Variants in RNF180 observed in about 807,000 individuals in gnomAD.
The protein encoded by RNF180 is E3 ubiquitin-protein ligase RNF180.
Under a neutral mutation model 59.2 loss-of-function variants are expected in RNF180, and 38 were observed. That is an observed-to-expected ratio of 0.64 (90% CI 0.50 to 0.84). The LOEUF is 0.84. Ranked by LOEUF, RNF180 falls within the 40% of genes least tolerant of loss-of-function variation. The pLI is 0.00. For synonymous variants in RNF180, 262 were observed against 240.3 expected, an observed-to-expected ratio of 1.09 and a Z score of -0.84; for missense variants, 705 against 700.9, an observed-to-expected ratio of 1.01 and a Z score of -0.07.
chr5:64,262,068 A>G (rs1216951784), intron 5 of RNF180, among the ~76,000 whole-genome samples: 1 of 152,102 alleles, frequency 6.6e-6, no homozygotes, highest in Non-Finnish European at 1.5e-5. Flanking sequence ...ATACTTACCA[A>G]ATAATTTTTT....
At chr5:64,317,804 T>G (rs968304221) in intron 5 of RNF180, among the ~76,000 whole-genome samples, 8 of 130,586 alleles carry the variant, frequency 6.1e-5, no homozygotes, top group African/African-American at 2.4e-4. Context: ...CATTTTAAAT[T>G]GAAAAATGTA....
At position 64,218,678 on chromosome 5, in the gene RNF180, A is replaced by G. The variant is rs535985777; in HGVS notation, c.1227+1282A>G. On this transcript the variant is annotated intron_variant, in intron 5 of 7. Coordinates refer to ENST00000389100, the MANE Select transcript of RNF180 (RefSeq NM_001113561.2). ...CTTGGGGAGAATTGAAATCTTTACT[A>G]TGTTGACTCTCGTAATACGTGAACA... 2.6e-5 allele frequency among the ~76,000 whole-genome samples: 4 copies of G among 152,296 alleles called. No homozygotes were observed. In the South Asian group the frequency reaches 8.3e-4, roughly 32 times the overall value.
chr5:64,264,636 G>A (rs1744552966), intron 5 of RNF180, among the ~76,000 whole-genome samples: 2 of 152,118 alleles, frequency 1.3e-5, no homozygotes, highest in African/African-American at 4.8e-5. Flanking sequence ...ATCATTGATG[G>A]GCATTTGGGT....
intron 2 of RNF180, among the ~76,000 whole-genome samples, chr5:64,210,229 T>C (rs781043339): frequency 2.0e-5 from 3 of 152,144 alleles, no homozygotes; most frequent in Non-Finnish European, 2.9e-5. Flanking sequence ...TGTCTAATGC[T>C]AGTGATCTAG....
intron 5 of RNF180, among the ~76,000 whole-genome samples, chr5:64,307,983 C>T (rs1374031): frequency 0.34 from 51,765 of 151,448 alleles, 10,131 homozygotes; most frequent in African/African-American, 0.55. Context: ...AATTGGACTT[C>T]GGAAGAAATT....
At chr5:64,242,520 A>C (rs1019943117) in intron 5 of RNF180, among the ~76,000 whole-genome samples, 1 of 152,222 alleles carries the variant, frequency 6.6e-6, no homozygotes, top group African/African-American at 2.4e-5. Flanking sequence ...CCAGGACGAG[A>C]AATGTAATAA....
chr5:64,182,771 A>C (rs1189852679), intron 1 of RNF180, among the ~76,000 whole-genome samples: 2 of 152,198 alleles, frequency 1.3e-5, no homozygotes, highest in Non-Finnish European at 2.9e-5. Flanking sequence ...CACAAAAGCA[A>C]AGAAAAAGTT....
At chr5:64,238,110 T>G (rs1411715886) in intron 5 of RNF180, among the ~76,000 whole-genome samples, 1 of 152,246 alleles carries the variant, frequency 6.6e-6, no homozygotes, top group Non-Finnish European at 1.5e-5. Context: ...TTTCCATGAC[T>G]GGCTTATTCA....
intron 5 of RNF180, among the ~76,000 whole-genome samples, chr5:64,236,011 G>A (rs1482791315): frequency 6.6e-6 from 1 of 152,230 alleles, no homozygotes; most frequent in African/African-American, 2.4e-5. Context: ...TACGAGCAGA[G>A]TAAGGTACTG....
At position 64,358,963 on chromosome 5, in the gene RNF180, C is replaced by T. The variant is rs1434912935; in HGVS notation, c.1580-10652C>T. Among the ~76,000 whole-genome samples, 9 of 151,654 alleles carry T rather than the reference C, an allele frequency of 5.9e-5. No individual in the cohort carries two copies. The East Asian group carries it at 1.8e-3, about 30-fold the overall frequency. ...CCCATGTCCCTACAAAGGACATGAA[C>T]TCATCATTTTTTATGGCTGCATAGT... On this transcript the variant is annotated intron_variant, in intron 7 of 7. Transcript: ENST00000389100.
chr5:64,257,758 T>G (rs1355341261), intron 5 of RNF180, among the ~76,000 whole-genome samples: 1 of 152,160 alleles, frequency 6.6e-6, no homozygotes, highest in Non-Finnish European at 1.5e-5. Flanking sequence ...TTCTATTGAT[T>G]GGAATAGTTT....
At chr5:64,231,520 G>A (rs1580067323) in intron 5 of RNF180, among the ~76,000 whole-genome samples, 1 of 152,214 alleles carries the variant, frequency 6.6e-6, no homozygotes, top group Admixed American at 6.5e-5. Flanking sequence ...TGCTGAGTTT[G>A]ATAAGGAAGA....
At chr5:64,358,201 C>T (rs2112598195) in intron 7 of RNF180, among the ~76,000 whole-genome samples, 1 of 151,950 alleles carries the variant, frequency 6.6e-6, no homozygotes, top group East Asian at 2.0e-4. Context: ...ACAGAGCAGC[C>T]CCTGTCTGGT....
At chr5:64,278,166 T>C (rs1006129959) in intron 5 of RNF180, among the ~76,000 whole-genome samples, 2 of 152,298 alleles carry the variant, frequency 1.3e-5, no homozygotes, top group Middle Eastern at 3.4e-3. Context: ...CGAAATGGCA[T>C]GTGAAAAAGA....
intron 5 of RNF180, among the ~76,000 whole-genome samples, chr5:64,222,990 A>G (rs546958853): frequency 6.6e-6 from 1 of 152,332 alleles, no homozygotes; most frequent in African/African-American, 2.4e-5. Flanking sequence ...TTAGTTTTCT[A>G]TTGCTGCTAT....
At chr5:64,307,162 A>G (rs1483378395) in intron 5 of RNF180, among the ~76,000 whole-genome samples, 2 of 150,078 alleles carry the variant, frequency 1.3e-5, no homozygotes, top group African/African-American at 2.4e-5. Context: ...ATAACCAATT[A>G]TGGCTCTTTC....
At chr5:64,202,677 A>G (rs1751812844) in intron 2 of RNF180, among the ~76,000 whole-genome samples, 1 of 152,162 alleles carries the variant, frequency 6.6e-6, no homozygotes, top group East Asian at 1.9e-4. Context: ...TGATGGACGT[A>G]TAGTGGTATA....
intron 5 of RNF180, among the ~76,000 whole-genome samples, chr5:64,271,887 G>C (rs1741426572): frequency 6.6e-6 from 1 of 151,900 alleles, no homozygotes; most frequent in African/African-American, 2.4e-5. Context: ...AACATTCCCA[G>C]GTTTATGCAC....
intron 5 of RNF180, among the ~76,000 whole-genome samples, chr5:64,262,276 G>T (rs1279891066): frequency 6.6e-6 from 1 of 152,056 alleles, no homozygotes; most frequent in East Asian, 1.9e-4. Flanking sequence ...TCTTCCCTTT[G>T]TTATATACAT....
Sources: gnomAD v4.1 joint callset for allele counts (sites outside exome capture counted in the v4.1 genomes callset) on GRCh38, gnomAD v4.1.1 for gene constraint, MANE v1.5 for transcripts, NCBI Gene and HGNC (gene_info 2026-07-23, HGNC 2026-07-21) for gene names.